The following SCFD1 variants were observed in gnomAD, a reference collection of about 807,000 sequenced individuals.
The protein encoded by SCFD1 is sec1 family domain containing 1.
In SCFD1, 37 loss-of-function variants were observed where a neutral mutation model predicts 103.2. The observed-to-expected ratio is 0.36, with a 90% CI of 0.28 to 0.47. The LOEUF is 0.47. Among genes scored for constraint, SCFD1 ranks in the 20% least tolerant of loss-of-function variants. The pLI is 1.00. For synonymous variants in SCFD1, 264 were observed against 245.0 expected (o/e 1.08, Z -0.73); for missense variants, 639 against 761.2 (o/e 0.84, Z 1.89).
At chr14:30,643,507 C>A (rs1885498404) in intron 7 of SCFD1, 102 bp downstream of exon 7, 1 of 815,784 alleles carries the variant, frequency 1.2e-6, no homozygotes, top group African/African-American at 1.7e-5. Context: ...TTACCTGGAT[C>A]TCTAGAGGTT....
chr14:30,665,479 AT>A, intron 10 of SCFD1, among the ~76,000 whole-genome samples: 1 of 152,366 alleles, frequency 6.6e-6, no homozygotes, highest in Admixed American at 6.5e-5. Context: ...AAGAAACTGC[AT>A]CAGCTAATGG....
chr14:30,666,200 A>T (rs1887949632), intron 10 of SCFD1, among the ~76,000 whole-genome samples: 1 of 152,186 alleles, frequency 6.6e-6, no homozygotes, highest in South Asian at 2.1e-4. Context: ...ATCACAACAA[A>T]CTGTCTCTCA....
intron 5 of SCFD1, 87 bp from the exon 6 acceptor site, chr14:30,639,690 A>T: frequency 7.6e-7 from 1 of 1,324,184 alleles, no homozygotes; most frequent in Non-Finnish European, 9.9e-7. Context: ...TTTCATTTCT[A>T]CCATTGGTAG....
chr14:30,648,975 CAAAA>C (rs34928852), intron 7 of SCFD1, among the ~76,000 whole-genome samples: 2,391 of 99,476 alleles, frequency 0.024, 34 homozygotes, highest in South Asian at 0.044. Flanking sequence ...CACCCCGTCT[CAAAA>C]AAAAAAAAAA....
intron 10 of SCFD1, among the ~76,000 whole-genome samples, chr14:30,669,461 G>A (rs1162328289): frequency 6.6e-6 from 1 of 151,960 alleles, no homozygotes; most frequent in Admixed American, 6.6e-5. Context: ...GCAAGAAGTT[G>A]GGGGAAAGAA....
intron 14 of SCFD1, chr14:30,683,170 G>A: frequency 9.1e-7 from 1 of 1,100,048 alleles, no homozygotes; most frequent in Non-Finnish European, 1.4e-6. Context: ...GGTTCTCCTA[G>A]TAGGCTGGAG....
chr14:30,732,532 T>G (rs1463581569), intron 23 of SCFD1, among the ~76,000 whole-genome samples: 1 of 152,240 alleles, frequency 6.6e-6, no homozygotes, highest in Non-Finnish European at 1.5e-5. Context: ...AATCCTAATC[T>G]TTTCCCTACC....
At chr14:30,730,629 T>C (rs1277807570) in intron 23 of SCFD1, among the ~76,000 whole-genome samples, 4 of 152,252 alleles carry the variant, frequency 2.6e-5, no homozygotes, top group Non-Finnish European at 4.4e-5. Flanking sequence ...CACTTTTTCA[T>C]GTGTCTGTTG....
intron 24 of SCFD1, 173 bp downstream of exon 24, chr14:30,735,031 A>G: frequency 1.8e-6 from 1 of 548,714 alleles, no homozygotes; most frequent in Admixed American, 3.2e-5. Context: ...TTGATAAGTA[A>G]TAATGTTTCC....
At chr14:30,638,669 C>T (rs1884977127) in intron 5 of SCFD1, among the ~76,000 whole-genome samples, 1 of 152,092 alleles carries the variant, frequency 6.6e-6, no homozygotes, top group African/African-American at 2.4e-5. Flanking sequence ...CCAAAGTGCC[C>T]GTGTTGCATA....
rs1378748301 is a variant in SCFD1 at position 30,630,463 on chromosome 14, G to GT, written c.133-6dup. Reference sequence around the variant, plus strand: ...TGTTCACTGATAATGATGACACATGGTTTTTTTTAATAGGTACTCATTTAT... The same window carrying GT: ...TGTTCACTGATAATGATGACACATGGTTTTTTTTTAATAGGTACTCATTTAT... On this transcript the variant is annotated splice_polypyrimidine_tract_variant and intron_variant, in intron 2 of 24. Transcript: ENST00000458591. 92 of 1,481,138 alleles carry GT rather than the reference G, an allele frequency of 6.2e-5. No individual in the cohort carries two copies. The highest frequency in any genetic ancestry group is 1.7e-4 in the Middle Eastern group (1 of 5,802). 91.7% of individuals were successfully genotyped at this position (1,481,138 alleles called of 1,614,324 possible). A position where few individuals can be genotyped will look rare whatever the true frequency, so the allele number is the denominator to read the frequency against.
chr14:30,722,572 T>TAATAA lies in SCFD1; in HGVS notation c.1836+14_1836+15insATAAA. ...TGACTACATAAAGGTACATTTTATT[T>TAATAA]AGCCTTTTTATTCTGTTGTTAGATG... On this transcript the variant is annotated intron_variant, in intron 23 of 24. Coordinates refer to ENST00000458591, the MANE Select transcript of SCFD1 (RefSeq NM_016106.4). 8.4e-6 allele frequency: 13 copies of TAATAA among 1,551,482 alleles called. No individual in the cohort carries two copies. The highest frequency in any genetic ancestry group is 1.1e-5 in the Non-Finnish European group (13 of 1,133,204).
chr14:30,732,913 C>T (rs1388064019), intron 23 of SCFD1, among the ~76,000 whole-genome samples: 1 of 151,948 alleles, frequency 6.6e-6, no homozygotes, highest in Non-Finnish European at 1.5e-5. Context: ...AAGGTATTCT[C>T]TTGATGGAAG....
intron 2 of SCFD1, among the ~76,000 whole-genome samples, chr14:30,629,577 A>ATTTTT (rs571309645): frequency 7.4e-6 from 1 of 135,556 alleles, no homozygotes; most frequent in Non-Finnish European, 1.6e-5. Flanking sequence ...TAGGGACTTA[A>ATTTTT]TTTTTTTTTT....
chr14:30,639,003 C>G (rs2139041418), intron 5 of SCFD1, among the ~76,000 whole-genome samples: 1 of 152,254 alleles, frequency 6.6e-6, no homozygotes, highest in East Asian at 1.9e-4. Context: ...GAGGCTTATG[C>G]CTTTAATCTT....
chr14:30,667,376 C>T (rs551837642), intron 10 of SCFD1, among the ~76,000 whole-genome samples: 3 of 152,284 alleles, frequency 2.0e-5, no homozygotes, highest in Non-Finnish European at 4.4e-5. Context: ...TAAAACCTCT[C>T]AATAAATTAG....
intron 10 of SCFD1, chr14:30,658,055 A>T (rs1217967802): frequency 4.4e-6 from 2 of 453,512 alleles, no homozygotes; most frequent in African/African-American, 4.0e-5. Context: ...AGAAGCCCTG[A>T]TTCTTTTTTA....
intron 15 of SCFD1, among the ~76,000 whole-genome samples, chr14:30,696,782 T>G (rs1162960738): frequency 6.6e-6 from 1 of 152,100 alleles, no homozygotes; most frequent in East Asian, 1.9e-4. Context: ...ATGGGTCCAC[T>G]GCAGGAAATC....
At chr14:30,641,283 T>A (rs899470164) in intron 6 of SCFD1, among the ~76,000 whole-genome samples, 1 of 152,200 alleles carries the variant, frequency 6.6e-6, no homozygotes, top group East Asian at 1.9e-4. Flanking sequence ...AAACTTTCCA[T>A]GGATTGGGAG....
Sources: gnomAD v4.1 joint callset for allele counts (sites outside exome capture counted in the v4.1 genomes callset) on GRCh38, gnomAD v4.1.1 for gene constraint, MANE v1.5 for transcripts, NCBI Gene and HGNC (gene_info 2026-07-23, HGNC 2026-07-21) for gene names.